Variants in AUTS2 observed in about 807,000 individuals in gnomAD.
AUTS2 encodes the protein activator of transcription and developmental regulator AUTS2.
In AUTS2, 17 loss-of-function variants were observed where a neutral mutation model predicts 112.4. The ratio of observed to expected loss-of-function variants is 0.15; its 90% confidence interval spans 0.10 to 0.23. The LOEUF is 0.23. Among genes scored for constraint, AUTS2 ranks in the 10% least tolerant of loss-of-function variants. The pLI is 1.00. For synonymous variants in AUTS2, 751 were observed against 702.7 expected (o/e 1.07, Z -1.09); for missense variants, 1,510 against 1,701.6 (o/e 0.89, Z 1.98).
intron 1 of AUTS2, among the ~76,000 whole-genome samples, chr7:69,721,081 A>G (rs1275366368): frequency 1.3e-5 from 2 of 152,234 alleles, no homozygotes; most frequent in African/African-American, 4.8e-5. Context: ...AGCAAGGAAC[A>G]TTAATGAAGG....
chr7:70,469,167 G>A (rs976476600), intron 5 of AUTS2, among the ~76,000 whole-genome samples: 23 of 152,170 alleles, frequency 1.5e-4, no homozygotes, highest in Admixed American at 1.3e-3. Context: ...TATCCATCAC[G>A]GAGCAGCTAC....
intron 1 of AUTS2, among the ~76,000 whole-genome samples, chr7:69,826,310 T>G (rs956943196): frequency 4.6e-5 from 7 of 152,184 alleles, no homozygotes; most frequent in African/African-American, 1.7e-4. Context: ...GTCTCCAGTT[T>G]ATGGATAAAA....
chr7:69,949,501 T>C (rs1285355751), intron 2 of AUTS2, among the ~76,000 whole-genome samples: 1 of 152,206 alleles, frequency 6.6e-6, no homozygotes, highest in East Asian at 1.9e-4. Flanking sequence ...AGCAAAGCCA[T>C]TGCTTCTAAC....
At chr7:70,380,457 G>A (rs183164666) in intron 4 of AUTS2, among the ~76,000 whole-genome samples, 9 of 152,274 alleles carry the variant, frequency 5.9e-5, no homozygotes, top group East Asian at 1.9e-4. Context: ...GACAGTAACC[G>A]CAAAAGCAGT....
intron 5 of AUTS2, among the ~76,000 whole-genome samples, chr7:70,529,468 C>T (rs1221536420): frequency 6.6e-6 from 1 of 152,192 alleles, no homozygotes; most frequent in Admixed American, 6.5e-5. Flanking sequence ...AACTTGAGCC[C>T]AGGCTGAATT....
intron 1 of AUTS2, among the ~76,000 whole-genome samples, chr7:69,720,285 A>G (rs1798854580): frequency 6.6e-6 from 1 of 152,186 alleles, no homozygotes; most frequent in Admixed American, 6.5e-5. Flanking sequence ...TCATAATAGA[A>G]TGAATATAAA....
chr7:70,353,507 G>C (rs1178040936), intron 4 of AUTS2, among the ~76,000 whole-genome samples: 3 of 152,112 alleles, frequency 2.0e-5, no homozygotes, highest in Non-Finnish European at 4.4e-5. Flanking sequence ...GGAACCTCCA[G>C]GCAAGCAGGA....
intron 2 of AUTS2, among the ~76,000 whole-genome samples, chr7:70,039,134 A>T (rs1801136800): frequency 6.6e-6 from 1 of 152,094 alleles, no homozygotes; most frequent in African/African-American, 2.4e-5. Context: ...AATAATATAT[A>T]TGAAAAGTCC....
intron 5 of AUTS2, among the ~76,000 whole-genome samples, chr7:70,548,951 G>A (rs1442841661): frequency 7.1e-6 from 1 of 141,552 alleles, no homozygotes; most frequent in East Asian, 2.1e-4. Context: ...AAAAAAGTCT[G>A]CTGAGATTTT....
At chr7:70,708,945 TCTCAC>T in intron 6 of AUTS2, among the ~76,000 whole-genome samples, 1 of 149,606 alleles carries the variant, frequency 6.7e-6, no homozygotes, top group Non-Finnish European at 1.5e-5. Flanking sequence ...TGAGACCAAG[TCTCAC>T]CTCATTGCCC....
chr7:70,377,327 T>TAA (rs1793139012), intron 4 of AUTS2, among the ~76,000 whole-genome samples: 5 of 10,500 alleles, frequency 4.8e-4, no homozygotes, highest in Non-Finnish European at 7.0e-4. Context: ...CAAATATAAA[T>TAA]ATATATATAT....
chr7:70,461,987 A>G (rs968195462), intron 5 of AUTS2, among the ~76,000 whole-genome samples: 5 of 152,156 alleles, frequency 3.3e-5, no homozygotes, highest in Admixed American at 1.3e-4. Context: ...TGCGCTGGCT[A>G]ATGCCTGTAA....
intron 4 of AUTS2, among the ~76,000 whole-genome samples, chr7:70,181,523 T>A (rs1272347522): frequency 6.6e-6 from 1 of 151,916 alleles, no homozygotes; most frequent in East Asian, 1.9e-4. Flanking sequence ...GTTTTGCTCT[T>A]GTTGCCCAGG....
chr7:70,029,295 G>A (rs1200103106), intron 2 of AUTS2, among the ~76,000 whole-genome samples: 1 of 140,764 alleles, frequency 7.1e-6, no homozygotes, highest in Non-Finnish European at 1.5e-5. Flanking sequence ...TTCTCCATTA[G>A]ACGTGATGTT....
chr7:70,776,919 G>A, intron 13 of AUTS2, 184 bp from the exon 14 acceptor site: 1 of 641,026 alleles, frequency 1.6e-6, no homozygotes, highest in Non-Finnish European at 2.8e-6. Context: ...GGGGGAGCTG[G>A]CTGTGACTCC....
At chr7:70,316,399 A>ATTTTTTT (rs398005114) in intron 4 of AUTS2, among the ~76,000 whole-genome samples, 2 of 92,742 alleles carry the variant, frequency 2.2e-5, no homozygotes, top group African/African-American at 4.3e-5. Context: ...CCAGGTCTCT[A>ATTTTTTT]TTTTTTTTTT....
At chr7:69,844,883 A>G (rs1405886079) in intron 1 of AUTS2, among the ~76,000 whole-genome samples, 3 of 152,200 alleles carry the variant, frequency 2.0e-5, no homozygotes, top group African/African-American at 7.2e-5. Context: ...GGCCTCTCTC[A>G]GTCCTATAAA....
chr7:69,707,695 ATTAAC>A (rs1472592727), intron 1 of AUTS2, among the ~76,000 whole-genome samples: 1 of 152,210 alleles, frequency 6.6e-6, no homozygotes, highest in Non-Finnish European at 1.5e-5. Context: ...TCCTTGCGGG[ATTAAC>A]ATATATGAAT....
chr7:70,231,022 C>G (rs1213376969), intron 4 of AUTS2, among the ~76,000 whole-genome samples: 1 of 152,246 alleles, frequency 6.6e-6, no homozygotes, highest in Non-Finnish European at 1.5e-5. Context: ...TAGACTCTCA[C>G]TGTTGTCAAT....
Sources: allele counts gnomAD v4.1 joint callset (sites outside exome capture counted in the v4.1 genomes callset), GRCh38; gene constraint gnomAD v4.1.1; transcripts MANE v1.5; gene names NCBI Gene and HGNC (gene_info 2026-07-23, HGNC 2026-07-21).